The following PXDNL variants were observed in gnomAD, a reference collection of about 807,000 sequenced individuals.
PXDNL encodes the protein probable oxidoreductase PXDNL.
A neutral mutation model predicts 150.8 loss-of-function variants in PXDNL; 145 were observed. That is an observed-to-expected ratio of 0.96 (90% CI 0.84 to 1.10). The LOEUF (loss-of-function observed/expected upper bound fraction) is 1.10, where lower values mean the gene tolerates loss of function less well. PXDNL is among the 50% of genes least tolerant of loss of function. PXDNL has a pLI of 0.00. For synonymous variants in PXDNL, 757 were observed against 725.7 expected (o/e 1.04, Z -0.69); for missense variants, 2,087 against 1,873.9 (o/e 1.11, Z -2.10).
chr8:51,572,274 T>A (rs756593694), intron 3 of PXDNL, among the ~76,000 whole-genome samples: 15 of 151,958 alleles, frequency 9.9e-5, no homozygotes, highest in Non-Finnish European at 1.8e-4. Flanking sequence ...TGCAAAGCAG[T>A]ATTCATAGCA....
intron 2 of PXDNL, among the ~76,000 whole-genome samples, chr8:51,608,025 GAA>G (rs1434301685): frequency 1.4e-4 from 15 of 106,140 alleles, no homozygotes; most frequent in African/African-American, 3.4e-4. Context: ...AAGAAAGAAA[GAA>G]AGAAAGAAAG....
chr8:51,575,520 GC>G (rs1248147343), intron 3 of PXDNL, among the ~76,000 whole-genome samples: 1 of 152,046 alleles, frequency 6.6e-6, no homozygotes, highest in African/African-American at 2.4e-5. Context: ...TTCTAGACCA[GC>G]TTGGCCAATA....
intron 21 of PXDNL, among the ~76,000 whole-genome samples, chr8:51,322,826 T>C (rs921674339): frequency 1.3e-5 from 2 of 152,220 alleles, no homozygotes; most frequent in Non-Finnish European, 2.9e-5. Context: ...TCTTGGAAGA[T>C]AATTTAGCAT....
At chr8:51,596,277 A>T (rs1813562356) in intron 2 of PXDNL, among the ~76,000 whole-genome samples, 1 of 152,024 alleles carries the variant, frequency 6.6e-6, no homozygotes. Flanking sequence ...TATGGACCAC[A>T]TTTTCCTTAT....
chr8:51,336,284 T>A (rs576606619), intron 21 of PXDNL, among the ~76,000 whole-genome samples: 1 of 152,116 alleles, frequency 6.6e-6, no homozygotes, highest in African/African-American at 2.4e-5. Context: ...AAACAAAGGG[T>A]TTTTGTAAAA....
At chr8:51,504,150 AC>A (rs1418177817) in intron 4 of PXDNL, among the ~76,000 whole-genome samples, 1 of 152,038 alleles carries the variant, frequency 6.6e-6, no homozygotes, top group African/African-American at 2.4e-5. Context: ...CCTCTTACCC[AC>A]TACTTCCACA....
At chr8:51,667,249 C>T (rs1815404193) in intron 1 of PXDNL, among the ~76,000 whole-genome samples, 1 of 152,186 alleles carries the variant, frequency 6.6e-6, no homozygotes, top group Non-Finnish European at 1.5e-5. Context: ...GCCCCGACAG[C>T]CCACAGCTTC....
chr8:51,394,847 A>G (rs1330356560), intron 17 of PXDNL, among the ~76,000 whole-genome samples: 1 of 152,162 alleles, frequency 6.6e-6, no homozygotes, highest in Non-Finnish European at 1.5e-5. Context: ...TGCTCTGCCC[A>G]GGATCCAACA....
At chr8:51,674,733 C>A (rs1815572259) in intron 1 of PXDNL, among the ~76,000 whole-genome samples, 1 of 152,224 alleles carries the variant, frequency 6.6e-6, no homozygotes, top group Non-Finnish European at 1.5e-5. Context: ...AAAGTGACTA[C>A]CCCATGGGCG....
chr8:51,696,527 G>A (rs1023830851), intron 1 of PXDNL, among the ~76,000 whole-genome samples: 2 of 152,180 alleles, frequency 1.3e-5, no homozygotes, highest in African/African-American at 4.8e-5. Context: ...ATTCAACTGG[G>A]AGGATCTTCT....
At chr8:51,636,512 T>A (rs1814605792) in intron 2 of PXDNL, among the ~76,000 whole-genome samples, 1 of 152,050 alleles carries the variant, frequency 6.6e-6, no homozygotes, top group African/African-American at 2.4e-5. Context: ...AGGTACAAAG[T>A]CAACATGCAA....
chr8:51,455,189 G>C (rs1809911904), intron 9 of PXDNL, among the ~76,000 whole-genome samples: 2 of 151,568 alleles, frequency 1.3e-5, no homozygotes, highest in African/African-American at 4.8e-5. Flanking sequence ...AATGTTCCGA[G>C]GTAAGTCAGT....
intron 1 of PXDNL, among the ~76,000 whole-genome samples, chr8:51,733,112 A>G (rs1405011223): frequency 6.6e-6 from 1 of 152,220 alleles, no homozygotes; most frequent in East Asian, 1.9e-4. Context: ...GTAGGTGCTC[A>G]GTAGTTATCT....
At chr8:51,488,312 A>C (rs867332171) in intron 5 of PXDNL, among the ~76,000 whole-genome samples, 23 of 152,244 alleles carry the variant, frequency 1.5e-4, no homozygotes, top group African/African-American at 5.1e-4. Context: ...CCTATGAGGC[A>C]GGAGCAATCT....
intron 12 of PXDNL, among the ~76,000 whole-genome samples, chr8:51,440,853 G>A (rs1261397790): frequency 6.6e-6 from 1 of 152,170 alleles, no homozygotes; most frequent in Non-Finnish European, 1.5e-5. Context: ...TCCCAGCCAT[G>A]AGGTGCAGAG....
At chr8:51,503,054 C>CG (rs1226118092) in intron 4 of PXDNL, among the ~76,000 whole-genome samples, 27 of 151,842 alleles carry the variant, frequency 1.8e-4, no homozygotes, top group Non-Finnish European at 3.7e-4. Context: ...ATGAGAAATG[C>CG]ATAATCTCCT....
intron 17 of PXDNL, among the ~76,000 whole-genome samples, chr8:51,398,589 A>G (rs74850411): frequency 0.027 from 4,061 of 152,292 alleles, 216 homozygotes; most frequent in African/African-American, 0.091. Flanking sequence ...AAGCCCTGCC[A>G]AGATTAGCAT....
intron 17 of PXDNL, among the ~76,000 whole-genome samples, chr8:51,403,275 G>C (rs894486661): frequency 1.3e-5 from 2 of 152,098 alleles, no homozygotes; most frequent in Non-Finnish European, 2.9e-5. Context: ...TGAGCTCTTG[G>C]TACTGAAGGA....
chr8:51,431,721 T>G (rs1183062461), intron 12 of PXDNL, among the ~76,000 whole-genome samples: 1 of 152,184 alleles, frequency 6.6e-6, no homozygotes, highest in Non-Finnish European at 1.5e-5. Flanking sequence ...TGCACCACCT[T>G]AGTTCTAAAT....
Sources: allele counts gnomAD v4.1 joint callset (sites outside exome capture counted in the v4.1 genomes callset), GRCh38; gene constraint gnomAD v4.1.1; transcripts MANE v1.5; gene names NCBI Gene and HGNC (gene_info 2026-07-23, HGNC 2026-07-21).